Variants in VPS33B observed in about 807,000 individuals in gnomAD.
VPS33B encodes the protein VPS33B late endosome and lysosome associated, also known as vacuolar protein sorting-associated protein 33B.
A neutral mutation model predicts 95.3 loss-of-function variants in VPS33B; 80 were observed. The observed-to-expected ratio is 0.84, with a 90% CI of 0.70 to 1.01. The LOEUF (loss-of-function observed/expected upper bound fraction) is 1.01. Among genes scored for constraint, VPS33B ranks in the 50% least tolerant of loss-of-function variants. The pLI is 0.00. For missense variants in VPS33B, 715 were observed against 773.4 expected (o/e 0.92, Z 0.90); for synonymous variants, 280 against 280.4 (o/e 1.00, Z 0.01).
Position 91,022,330 on chromosome 15 carries a change from G to T in VPS33B, c.-81C>A. ...GGCCGCAGCCCAGGGAAGCGCAAGG[G>T]GGGCTATCCTTCAGGCCTGGGCACC... On this transcript the variant is annotated 5_prime_UTR_variant, in exon 1 of 23. Coordinates refer to ENST00000333371, the MANE Select transcript of VPS33B (RefSeq NM_018668.5). 1 of 1,415,374 alleles carries T rather than the reference G, an allele frequency of 7.1e-7. No individual in the cohort carries two copies. Among genetic ancestry groups the T allele is most frequent in the Non-Finnish European group, 9.5e-7 (1 of 1,052,610 alleles). The allele number at this position is 1,415,374 out of a possible 1,614,324, so 87.7% of individuals were successfully genotyped here.
chr15:91,000,861 A>G lies in VPS33B; in HGVS notation c.1480-270T>C. ...TCCTTTCCCTACCCTTAAGTGACAC[A>G]GGATATGGTTGTCACTGAAGCAGCA... On this transcript the variant is annotated intron_variant, in intron 19 of 22. Transcript: ENST00000333371. This position sits in a 1 kb window ranked among gnomAD's most constrained non-coding sequence, Gnocchi z 4.9. The G allele has an allele frequency of 2.2e-6, 1 of 460,626 alleles. No individual in the cohort carries two copies. Among genetic ancestry groups the G allele is most frequent in the Non-Finnish European group, 4.0e-6 (1 of 248,914 alleles). 28.5% of individuals were successfully genotyped at this position (460,626 alleles called of 1,614,324 possible).
chr15:91,006,264 G>A lies in VPS33B; in HGVS notation c.852+108C>T. On this transcript the variant is annotated intron_variant, in intron 11 of 22. Transcript: ENST00000333371. The surrounding 1 kb of genome is among the most constrained non-coding windows in gnomAD (Gnocchi z 5.4). ...GGAAACCCTCTCTCCCATAGACTCA[G>A]CCTCCCCTCTCAGAGCTGGGGCCCA... The A allele has an allele frequency of 1.3e-6, 2 of 1,517,122 alleles. No homozygotes were observed. Among genetic ancestry groups the A allele is most frequent in the East Asian group, 4.5e-5 (2 of 44,494 alleles). The allele number at this position is 1,517,122 out of a possible 1,614,324, so 94.0% of individuals were successfully genotyped here. A position where few individuals can be genotyped will look rare whatever the true frequency, so the allele number is the denominator to read the frequency against.
At position 91,015,345 on chromosome 15, in the gene VPS33B, T is replaced by A. The variant is rs180885134; in HGVS notation, c.240-912A>T. Among the ~76,000 whole-genome samples, 1,144 of 150,602 alleles carry A rather than the reference T, an allele frequency of 7.6e-3. 8 individuals carry two copies. Among genetic ancestry groups the A allele is most frequent in the African/African-American group, 0.024 (981 of 41,058 alleles). On this transcript the variant is annotated intron_variant, in intron 3 of 22. Coordinates refer to ENST00000333371, the MANE Select transcript of VPS33B (RefSeq NM_018668.5). The surrounding 1 kb of genome is among the most constrained non-coding windows in gnomAD (Gnocchi z 4.7). ...GAGCTAAACTCCGTCTCAAAAAAAA[T>A]AAAATAAAATAAAATAATAATAAAT...
chr15:90,999,483 T>G lies in VPS33B; in HGVS notation c.1774+194A>C. ...ACAGGCACCGGCCACCATGCCTGGC[T>G]AATTTTTGTATTTTTCGTAGAGATG... On this transcript the variant is annotated intron_variant, in intron 22 of 22. Coordinates refer to ENST00000333371, the MANE Select transcript of VPS33B (RefSeq NM_018668.5). The surrounding 1 kb of genome is among the most constrained non-coding windows in gnomAD (Gnocchi z 5.1). The G allele has an allele frequency of 5.9e-6, 4 of 679,336 alleles. No individual in the cohort carries two copies. The highest frequency in any genetic ancestry group is 1.1e-5 in the Non-Finnish European group (4 of 376,010). 42.1% of individuals were successfully genotyped at this position (679,336 alleles called of 1,614,324 possible).
In VPS33B at chr15:91,009,578, T is replaced by A. The variant is rs527418365; in HGVS notation, c.403+223A>T. On this transcript the variant is annotated intron_variant, in intron 6 of 22. Coordinates refer to ENST00000333371, the MANE Select transcript of VPS33B (RefSeq NM_018668.5). The surrounding 1 kb of genome is among the most constrained non-coding windows in gnomAD (Gnocchi z 4.1). ...CCCTCGGCCTCCCAAAGTGCTGGGA[T>A]TACAGGCATGAGCCACTGCGCCCAG... Among the ~76,000 whole-genome samples the A allele has an allele frequency of 6.6e-6, 1 of 152,110 alleles. No homozygotes were observed. The highest frequency in any genetic ancestry group is 1.5e-5 in the Non-Finnish European group (1 of 68,018).
At chr15:91,016,022 G>A (rs924875087) in intron 3 of VPS33B, among the ~76,000 whole-genome samples, 1 of 152,008 alleles carries the variant, frequency 6.6e-6, no homozygotes, top group Non-Finnish European at 1.5e-5. Context: ...ACTACATGCC[G>A]AGCGAACAGG....
rs777802055 is a variant in VPS33B, at chr15:91,007,777, G to A, written c.498+93C>T. ...CTATCACTTGTGATAAATTACTTGCGTTGGACAAAGGTTATATTGGTATTT... is the reference window on the plus strand; with the variant it reads ...CTATCACTTGTGATAAATTACTTGCATTGGACAAAGGTTATATTGGTATTT... On this transcript the variant is annotated intron_variant, in intron 7 of 22. Coordinates refer to ENST00000333371, the MANE Select transcript of VPS33B (RefSeq NM_018668.5). The surrounding 1 kb of genome is among the most constrained non-coding windows in gnomAD (Gnocchi z 5.3). 3.5e-5 allele frequency: 46 copies of A among 1,317,436 alleles called. No homozygotes were observed. Among genetic ancestry groups the A allele is most frequent in the Non-Finnish European group, 4.5e-5 (41 of 913,150 alleles). The allele number at this position is 1,317,436 out of a possible 1,614,324, so 81.6% of individuals were successfully genotyped here. A position where few individuals can be genotyped will look rare whatever the true frequency, so the allele number is the denominator to read the frequency against.
Position 91,006,594 on chromosome 15 carries a change from G to A in VPS33B, c.778+58C>T, listed in dbSNP as rs1296244490. On this transcript the variant is annotated intron_variant, in intron 10 of 22. Coordinates refer to ENST00000333371, the MANE Select transcript of VPS33B (RefSeq NM_018668.5). This position sits in a 1 kb window ranked among gnomAD's most constrained non-coding sequence, Gnocchi z 5.4. ...CCCACAAACCCTGCCCCACGTGGGAGGTGCCAAGGCTGATGACCCGTCCAT... is the reference window on the plus strand; with the variant it reads ...CCCACAAACCCTGCCCCACGTGGGAAGTGCCAAGGCTGATGACCCGTCCAT... 30 of 1,611,722 alleles carry A rather than the reference G, an allele frequency of 1.9e-5. No homozygotes were observed. The South Asian group carries it at 3.1e-4, about 17-fold the overall frequency.
chr15:91,014,054 C>T (rs1025096493), intron 4 of VPS33B, among the ~76,000 whole-genome samples, 183 bp from the exon 5 acceptor site: 1 of 151,880 alleles, frequency 6.6e-6, no homozygotes, highest in African/African-American at 2.4e-5. Flanking sequence ...TCTGTCTCTA[C>T]TAAAAACACA....
At position 91,022,037 on chromosome 15, in the gene VPS33B, G is replaced by T. The variant is rs2041117765; in HGVS notation, c.96+117C>A. 5.9e-6 allele frequency: 7 copies of T among 1,182,100 alleles called. No individual in the cohort carries two copies. In the South Asian group the frequency reaches 8.0e-5, roughly 14 times the overall value. 73.2% of individuals were successfully genotyped at this position (1,182,100 alleles called of 1,614,324 possible). A position where few individuals can be genotyped will look rare whatever the true frequency, so the allele number is the denominator to read the frequency against. On this transcript the variant is annotated intron_variant, in intron 1 of 22. Coordinates refer to ENST00000333371, the MANE Select transcript of VPS33B (RefSeq NM_018668.5). ...GATTCATTCTGGACCTGCTGGGGAAGCGCCAAGGACAATACCAGGGGCCAA... is the reference window on the plus strand; with the variant it reads ...GATTCATTCTGGACCTGCTGGGGAATCGCCAAGGACAATACCAGGGGCCAA...
In VPS33B at chr15:91,007,688, G is replaced by T; in HGVS notation, c.499-115C>A. 1.6e-6 allele frequency: 2 copies of T among 1,254,298 alleles called. No individual in the cohort carries two copies. The highest frequency in any genetic ancestry group is 1.2e-5 in the South Asian group (1 of 83,118). The allele number at this position is 1,254,298 out of a possible 1,614,324, so 77.7% of individuals were successfully genotyped here. A position where few individuals can be genotyped will look rare whatever the true frequency, so the allele number is the denominator to read the frequency against. On this transcript the variant is annotated intron_variant, in intron 7 of 22. Coordinates refer to ENST00000333371, the MANE Select transcript of VPS33B (RefSeq NM_018668.5). This position sits in a 1 kb window ranked among gnomAD's most constrained non-coding sequence, Gnocchi z 5.3. ...GGCAGGGCCTGGGGGATGCTTGAAA[G>T]GTTTTCATTGGCTCCACAGGAAGTC...
Position 91,014,219 on chromosome 15 carries a change from CAAAAA to C in VPS33B, c.289+160_289+164del, listed in dbSNP as rs61232231. On this transcript the variant is annotated intron_variant, in intron 4 of 22. Coordinates refer to ENST00000333371, the MANE Select transcript of VPS33B (RefSeq NM_018668.5). ...GGGCAACAAGAGTGAAACTCCGTCT[CAAAAA>C]AAAAAAAAAAAAAAAAAAGAAGCGG... Among the ~76,000 whole-genome samples, 524 of 59,634 alleles carry C rather than the reference CAAAAA, an allele frequency of 8.8e-3. 2 individuals carry two copies. Among genetic ancestry groups the C allele is most frequent in the African/African-American group, 0.029 (499 of 17,484 alleles). 39.1% of individuals were successfully genotyped at this position (59,634 alleles called of 152,430 possible). A position where few individuals can be genotyped will look rare whatever the true frequency, so the allele number is the denominator to read the frequency against.
In VPS33B at chr15:91,009,058, T is replaced by C. The variant is rs1486716141; in HGVS notation, c.403+743A>G. Among the ~76,000 whole-genome samples the C allele has an allele frequency of 6.6e-6, 1 of 152,070 alleles. No individual in the cohort carries two copies. On this transcript the variant is annotated intron_variant, in intron 6 of 22. Coordinates refer to ENST00000333371, the MANE Select transcript of VPS33B (RefSeq NM_018668.5). The surrounding 1 kb of genome is among the most constrained non-coding windows in gnomAD (Gnocchi z 4.1). ...TGGGCTTTATATTGAGCCGCTGCTA[T>C]TTCCAGCAGGGAGGGCTGTGATCAG...
At chr15:91,001,502 TG>T (rs774016735) in intron 18 of VPS33B, 40 bp from the exon 19 acceptor site, 2 of 1,550,038 alleles carry the variant, frequency 1.3e-6, no homozygotes, top group Non-Finnish European at 1.8e-6. Context: ...CTAAGGTCTA[TG>T]GATTCATGAC....
chr15:91,019,391 G>C (rs1189042614), intron 1 of VPS33B, among the ~76,000 whole-genome samples: 1 of 152,090 alleles, frequency 6.6e-6, no homozygotes, highest in Non-Finnish European at 1.5e-5. Flanking sequence ...AAACTGTTGG[G>C]ATTATAGGTG....
At chr15:91,014,773 T>C (rs2040877159) in intron 3 of VPS33B, among the ~76,000 whole-genome samples, 1 of 152,142 alleles carries the variant, frequency 6.6e-6, no homozygotes, top group Admixed American at 6.5e-5. Context: ...CCCATAAAAA[T>C]ATACAATTAT....
At chr15:91,003,217 CCTT>C (rs2151666595) in intron 16 of VPS33B, 86 bp from the exon 17 acceptor site, 2 of 1,299,766 alleles carry the variant, frequency 1.5e-6, no homozygotes, top group South Asian at 1.2e-5. Flanking sequence ...GCAACGAACG[CCTT>C]CTTCAGGAGG....
At position 91,002,011 on chromosome 15, in the gene VPS33B, C is replaced by T; in HGVS notation, c.1405+39G>A. ...TGCTGCGTGTTGAGAGAAGTCAGGA[C>T]AACAGCTGGAGCAGGGGTCACTTGT... On this transcript the variant is annotated intron_variant, in intron 18 of 22. Coordinates refer to ENST00000333371, the MANE Select transcript of VPS33B (RefSeq NM_018668.5). This position sits in a 1 kb window ranked among gnomAD's most constrained non-coding sequence, Gnocchi z 4.7. The T allele has an allele frequency of 2.5e-6, 4 of 1,612,800 alleles. No homozygotes were observed. Among genetic ancestry groups the T allele is most frequent in the Non-Finnish European group, 3.4e-6 (4 of 1,179,896 alleles).
intron 19 of VPS33B, 34 bp downstream of exon 19, chr15:91,001,355 C>T (rs1473603153): frequency 2.0e-5 from 30 of 1,522,824 alleles, no homozygotes; most frequent in Non-Finnish European, 2.6e-5. Context: ...GGAATGAACC[C>T]ACTGTCTCCC....
Sources: gnomAD v4.1 joint callset for allele counts (sites outside exome capture counted in the v4.1 genomes callset) on GRCh38, gnomAD v4.1.1 for gene constraint, Gnocchi (gnomAD v3.1) non-coding constraint, MANE v1.5 for transcripts, NCBI Gene and HGNC (gene_info 2026-07-23, HGNC 2026-07-21) for gene names.